CRIM1: variants seen among roughly 807,000 people sequenced by gnomAD.
CRIM1 encodes the protein cysteine-rich motor neuron 1 protein.
In CRIM1, 32 loss-of-function variants were observed where a neutral mutation model predicts 116.4. That is an observed-to-expected ratio of 0.27 (90% CI 0.21 to 0.37). The LOEUF (loss-of-function observed/expected upper bound fraction) is 0.37. Ranked by LOEUF, CRIM1 falls within the 10% of genes least tolerant of loss-of-function variation. The pLI, the probability that CRIM1 is intolerant of heterozygous loss-of-function variation, is 1.00. For synonymous variants in CRIM1, 590 were observed against 509.2 expected, an observed-to-expected ratio of 1.16 and a Z score of -2.13; for missense variants, 1,331 against 1,354.8, an observed-to-expected ratio of 0.98 and a Z score of 0.28.
intron 1 of CRIM1, among the ~76,000 whole-genome samples, chr2:36,369,781 TAGCATC>T (rs1669829904): frequency 6.6e-6 from 1 of 152,204 alleles, no homozygotes; most frequent in African/African-American, 2.4e-5. Context: ...ACTATTTCTG[TAGCATC>T]AGCCACTGGG....
At chr2:36,419,193 C>A (rs1673866511) in intron 2 of CRIM1, among the ~76,000 whole-genome samples, 1 of 152,194 alleles carries the variant, frequency 6.6e-6, no homozygotes, top group Non-Finnish European at 1.5e-5. Flanking sequence ...AGGTTCTAGT[C>A]ATAAAGGAGG....
intron 2 of CRIM1, among the ~76,000 whole-genome samples, chr2:36,410,536 A>C (rs1673127066): frequency 6.6e-6 from 1 of 151,908 alleles, no homozygotes; most frequent in Non-Finnish European, 1.5e-5. Flanking sequence ...CACCCAGTTT[A>C]GAAAGTGGAT....
At chr2:36,539,906 G>A (rs1445447230) in intron 14 of CRIM1, among the ~76,000 whole-genome samples, 2 of 152,148 alleles carry the variant, frequency 1.3e-5, no homozygotes, top group African/African-American at 2.4e-5. Flanking sequence ...TTAGCCATAG[G>A]TGGTTTCTAG....
intron 1 of CRIM1, among the ~76,000 whole-genome samples, chr2:36,371,734 A>G (rs1448076247): frequency 6.6e-6 from 1 of 152,212 alleles, no homozygotes; most frequent in Non-Finnish European, 1.5e-5. Context: ...TAAAGGTGTC[A>G]TCTTTCATTC....
chr2:36,480,485 AAATT>A (rs1291430504), intron 7 of CRIM1, among the ~76,000 whole-genome samples: 2 of 152,246 alleles, frequency 1.3e-5, no homozygotes, highest in African/African-American at 2.4e-5. Flanking sequence ...TGTGGATCAA[AAATT>A]AATCCATGTT....
At chr2:36,363,439 C>G (rs893725020) in intron 1 of CRIM1, among the ~76,000 whole-genome samples, 2 of 151,536 alleles carry the variant, frequency 1.3e-5, no homozygotes, top group East Asian at 1.9e-4. Flanking sequence ...CTCTTAATCC[C>G]CATCTACCTC....
chr2:36,533,120 C>T (rs1346820371), intron 13 of CRIM1, among the ~76,000 whole-genome samples: 1 of 152,132 alleles, frequency 6.6e-6, no homozygotes, highest in South Asian at 2.1e-4. Context: ...TTAGATTATG[C>T]TGTTTCCCCC....
At chr2:36,536,071 T>C (rs1417394802) in intron 13 of CRIM1, among the ~76,000 whole-genome samples, 1 of 152,190 alleles carries the variant, frequency 6.6e-6, no homozygotes, top group Non-Finnish European at 1.5e-5. Flanking sequence ...CGGTGAGCAT[T>C]TCTGTCTGTG....
At chr2:36,427,349 T>G (rs1356011093) in intron 2 of CRIM1, among the ~76,000 whole-genome samples, 1 of 152,166 alleles carries the variant, frequency 6.6e-6, no homozygotes, top group Non-Finnish European at 1.5e-5. Flanking sequence ...AATATAGGGA[T>G]AGAGTCTTTC....
chr2:36,433,191 G>A lies in CRIM1; in HGVS notation c.506-8067G>A, dbSNP rs184146897. 4.6e-5 allele frequency among the ~76,000 whole-genome samples: 7 copies of A among 152,092 alleles called. No individual in the cohort carries two copies. In the East Asian group the frequency reaches 1.4e-3, roughly 30 times the overall value. ...TAAAATGCAGATTCTGATTCAGTAG[G>A]ACTGGAGTGAGGTCTAAGTTTCTGC... On this transcript the variant is annotated intron_variant, in intron 2 of 16. Coordinates refer to ENST00000280527, the MANE Select transcript of CRIM1 (RefSeq NM_016441.3).
intron 4 of CRIM1, among the ~76,000 whole-genome samples, chr2:36,460,937 C>G (rs1416588139): frequency 1.3e-5 from 2 of 152,098 alleles, no homozygotes; most frequent in African/African-American, 4.8e-5. Flanking sequence ...GTGCAGAGGC[C>G]ATTAGGGCAG....
chr2:36,454,583 AAT>A (rs1397209590), intron 4 of CRIM1, among the ~76,000 whole-genome samples: 1 of 152,176 alleles, frequency 6.6e-6, no homozygotes, highest in Non-Finnish European at 1.5e-5. Flanking sequence ...CAAAGGGTTG[AAT>A]CACAGTTTGC....
chr2:36,372,425 G>C (rs1406862603), intron 1 of CRIM1, among the ~76,000 whole-genome samples: 1 of 152,116 alleles, frequency 6.6e-6, no homozygotes, highest in East Asian at 1.9e-4. Flanking sequence ...TTTTCTAAAG[G>C]TTTTAAGGAG....
chr2:36,519,640 G>A (rs1268549169), intron 12 of CRIM1, among the ~76,000 whole-genome samples: 1 of 152,126 alleles, frequency 6.6e-6, no homozygotes, highest in East Asian at 1.9e-4. Context: ...GCTCCACAGT[G>A]GGATAACAGC....
intron 1 of CRIM1, chr2:36,378,282 T>C: frequency 6.4e-6 from 3 of 470,876 alleles, no homozygotes; most frequent in Middle Eastern, 3.2e-4. Flanking sequence ...TTACATCACA[T>C]TGAAGATGCT....
intron 5 of CRIM1, among the ~76,000 whole-genome samples, chr2:36,470,332 G>C (rs751434266): frequency 6.6e-6 from 1 of 152,144 alleles, no homozygotes; most frequent in African/African-American, 2.4e-5. Context: ...AGTGATGAAG[G>C]TGGCTACACT....
At chr2:36,358,228 C>T (rs1558494612) in intron 1 of CRIM1, among the ~76,000 whole-genome samples, 1 of 152,114 alleles carries the variant, frequency 6.6e-6, no homozygotes, top group Non-Finnish European at 1.5e-5. Context: ...GAAAAATGGC[C>T]ATGAGATTAA....
chr2:36,414,188 T>C (rs1572678705), intron 2 of CRIM1, among the ~76,000 whole-genome samples: 1 of 152,316 alleles, frequency 6.6e-6, no homozygotes, highest in East Asian at 1.9e-4. Context: ...TTGTGGGCCA[T>C]TTGTCTGGTT....
intron 1 of CRIM1, chr2:36,378,363 G>C (rs775559371): frequency 2.1e-6 from 1 of 471,104 alleles, no homozygotes. Context: ...CTAGCTGCGG[G>C]GTATTGAATT....
Sources: gnomAD v4.1 joint callset for allele counts (sites outside exome capture counted in the v4.1 genomes callset) on GRCh38, gnomAD v4.1.1 for gene constraint, MANE v1.5 for transcripts, NCBI Gene and HGNC (gene_info 2026-07-23, HGNC 2026-07-21) for gene names.